Variants in PTPN4 observed in about 807,000 individuals in gnomAD.
The protein encoded by PTPN4 is tyrosine-protein phosphatase non-receptor type 4.
PTPN4 carries 49 observed loss-of-function variants against 135.5 expected under a neutral mutation model. The ratio of observed to expected loss-of-function variants is 0.36; its 90% CI spans 0.29 to 0.46. PTPN4 has a LOEUF of 0.46. PTPN4 is among the 20% of genes least tolerant of loss of function. The pLI, the probability that PTPN4 is intolerant of heterozygous loss-of-function variation, is 1.00. For synonymous variants in PTPN4, 333 were observed against 369.9 expected (o/e 0.90, Z 1.14); for missense variants, 860 against 1,101.0 (o/e 0.78, Z 3.10).
intron 19 of PTPN4, among the ~76,000 whole-genome samples, chr2:119,952,891 C>T (rs1679229276): frequency 6.6e-6 from 1 of 152,192 alleles, no homozygotes; most frequent in Non-Finnish European, 1.5e-5. Flanking sequence ...CAGGTCATTC[C>T]ATCTTTGGAT....
At chr2:119,812,822 C>T (rs1201098452) in intron 2 of PTPN4, among the ~76,000 whole-genome samples, 5 of 152,086 alleles carry the variant, frequency 3.3e-5, no homozygotes, top group African/African-American at 9.7e-5. Context: ...GCATAGTGTC[C>T]GTACTACATG....
chr2:119,907,617 A>C (rs1409389577), intron 10 of PTPN4, among the ~76,000 whole-genome samples: 4 of 152,206 alleles, frequency 2.6e-5, no homozygotes, highest in Middle Eastern at 3.4e-3. Flanking sequence ...TTAAGAAAAA[A>C]AAAAATATTG....
At chr2:119,866,003 T>C (rs1342461770) in intron 3 of PTPN4, among the ~76,000 whole-genome samples, 4 of 152,122 alleles carry the variant, frequency 2.6e-5, no homozygotes, top group Non-Finnish European at 4.4e-5. Flanking sequence ...GCTTTGACTT[T>C]TCAGAATTTC....
At chr2:119,767,355 A>G (rs544257560) in intron 1 of PTPN4, among the ~76,000 whole-genome samples, 1 of 152,298 alleles carries the variant, frequency 6.6e-6, no homozygotes, top group East Asian at 1.9e-4. Flanking sequence ...TTCCTGAATT[A>G]TTTGAGAGCA....
At chr2:119,974,464 C>T (rs1271534273) in intron 26 of PTPN4, among the ~76,000 whole-genome samples, 1 of 152,178 alleles carries the variant, frequency 6.6e-6, no homozygotes, top group Non-Finnish European at 1.5e-5. Flanking sequence ...CCGCCTCGAC[C>T]TCCCAAAGTG....
At chr2:119,821,651 G>A (rs907203820) in intron 2 of PTPN4, among the ~76,000 whole-genome samples, 1 of 152,134 alleles carries the variant, frequency 6.6e-6, no homozygotes, top group African/African-American at 2.4e-5. Context: ...TTAGCACTAG[G>A]TTAATTTACA....
At chr2:119,885,667 C>G in intron 8 of PTPN4, 128 bp from the exon 9 acceptor site, 1 of 569,668 alleles carries the variant, frequency 1.8e-6, no homozygotes, top group Non-Finnish European at 3.0e-6. Flanking sequence ...GAGGAGTAGT[C>G]CTGCATGGTG....
chr2:119,830,115 G>T (rs1307414574), intron 2 of PTPN4, among the ~76,000 whole-genome samples: 7 of 152,102 alleles, frequency 4.6e-5, no homozygotes, highest in Admixed American at 4.6e-4. Context: ...AGTCACAAAG[G>T]TGTGTATTCC....
chr2:119,832,278 A>G lies in PTPN4; in HGVS notation c.138+22287A>G, dbSNP rs148888866. On this transcript the variant is annotated intron_variant, in intron 2 of 26. Transcript: ENST00000263708. ...TGCTAGCTCAGTAACAGACTAAAAC[A>G]AAAAGTTTCGAAAATAATTTATCTG... Among the ~76,000 whole-genome samples the G allele has an allele frequency of 1.4e-3, 207 of 152,302 alleles. 6 individuals are homozygous for G. In the East Asian group the frequency reaches 0.036, roughly 27 times the overall value.
At chr2:119,787,484 A>G (rs1691066806) in intron 1 of PTPN4, among the ~76,000 whole-genome samples, 1 of 152,194 alleles carries the variant, frequency 6.6e-6, no homozygotes, top group African/African-American at 2.4e-5. Flanking sequence ...AGTATTGTCT[A>G]ACACTTTATG....
At chr2:119,821,909 T>A (rs1388918641) in intron 2 of PTPN4, among the ~76,000 whole-genome samples, 1 of 152,228 alleles carries the variant, frequency 6.6e-6, no homozygotes, top group Non-Finnish European at 1.5e-5. Flanking sequence ...AGGAGTCTGA[T>A]ACTATTTCAA....
chr2:119,807,150 A>T (rs1691486887), intron 1 of PTPN4, among the ~76,000 whole-genome samples: 1 of 152,216 alleles, frequency 6.6e-6, no homozygotes, highest in South Asian at 2.1e-4. Flanking sequence ...CGACACCCTA[A>T]CATTACAATG....
At chr2:119,823,004 G>C (rs1677092842) in intron 2 of PTPN4, among the ~76,000 whole-genome samples, 1 of 152,156 alleles carries the variant, frequency 6.6e-6, no homozygotes, top group South Asian at 2.1e-4. Flanking sequence ...ACTATAACAA[G>C]AGTCACCTTA....
At chr2:119,838,474 G>A (rs1250602813) in intron 2 of PTPN4, among the ~76,000 whole-genome samples, 1 of 152,178 alleles carries the variant, frequency 6.6e-6, no homozygotes, top group Non-Finnish European at 1.5e-5. Context: ...CCTGCTGCAG[G>A]TCTGCAGAGC....
intron 11 of PTPN4, among the ~76,000 whole-genome samples, chr2:119,918,549 G>A (rs1678690865): frequency 6.6e-6 from 1 of 152,184 alleles, no homozygotes; most frequent in African/African-American, 2.4e-5. Flanking sequence ...AGGAGGTTCA[G>A]ATTATAACCA....
chr2:119,825,354 T>C (rs1677131404), intron 2 of PTPN4, among the ~76,000 whole-genome samples: 1 of 152,200 alleles, frequency 6.6e-6, no homozygotes, highest in African/African-American at 2.4e-5. Flanking sequence ...GTTTTCACTT[T>C]TCACACTTGT....
At chr2:119,782,270 T>A (rs917939756) in intron 1 of PTPN4, among the ~76,000 whole-genome samples, 9 of 151,874 alleles carry the variant, frequency 5.9e-5, no homozygotes, top group African/African-American at 2.2e-4. Context: ...TACAAAAAAA[T>A]TAGCCGGGTG....
intron 1 of PTPN4, among the ~76,000 whole-genome samples, chr2:119,793,325 A>T (rs1691185249): frequency 6.6e-6 from 1 of 152,060 alleles, no homozygotes; most frequent in Non-Finnish European, 1.5e-5. Flanking sequence ...GAGAAATATG[A>T]CTCTGTCCTG....
At chr2:119,822,943 A>G (rs1677091117) in intron 2 of PTPN4, among the ~76,000 whole-genome samples, 1 of 152,074 alleles carries the variant, frequency 6.6e-6, no homozygotes, top group African/African-American at 2.4e-5. Flanking sequence ...TCAAGTTTTT[A>G]TTTTTGAAGT....
Sources: allele counts gnomAD v4.1 joint callset (sites outside exome capture counted in the v4.1 genomes callset), GRCh38; gene constraint gnomAD v4.1.1; transcripts MANE v1.5; gene names NCBI Gene and HGNC (gene_info 2026-07-23, HGNC 2026-07-21).